The following CTNNA3 variants were observed in gnomAD, a reference collection of about 807,000 sequenced individuals.
CTNNA3 encodes catenin alpha 3.
In CTNNA3, 76 loss-of-function variants were observed where a neutral mutation model predicts 95.7. The observed-to-expected ratio is 0.79, with a 90% confidence interval of 0.66 to 0.96. CTNNA3 has a LOEUF of 0.96. CTNNA3 is among the 40% of genes least tolerant of loss of function. The probability of loss-of-function intolerance (pLI) is 0.00; values close to 1 mark genes in which losing one functional copy is unlikely to be tolerated. For synonymous variants in CTNNA3, 431 were observed against 374.4 expected (o/e 1.15, Z -1.74); for missense variants, 1,191 against 1,089.8 (o/e 1.09, Z -1.31).
chr10:66,364,664 A>T (rs1395168241), intron 12 of CTNNA3, among the ~76,000 whole-genome samples: 1 of 152,180 alleles, frequency 6.6e-6, no homozygotes, highest in African/African-American at 2.4e-5. Flanking sequence ...AAGTAAAATA[A>T]TGTACAGAGG....
chr10:67,563,254 A>T (rs1841608048), intron 3 of CTNNA3, among the ~76,000 whole-genome samples: 1 of 152,208 alleles, frequency 6.6e-6, no homozygotes, highest in African/African-American at 2.4e-5. Flanking sequence ...ACAAGGCTAC[A>T]GTAACCAAAA....
intron 7 of CTNNA3, among the ~76,000 whole-genome samples, chr10:66,816,138 T>C (rs1215739254): frequency 6.6e-6 from 1 of 152,188 alleles, no homozygotes; most frequent in African/African-American, 2.4e-5. Context: ...TAAATTTCCA[T>C]AATTTAATGT....
At chr10:67,703,683 A>T (rs1841059329) in intron 1 of CTNNA3, among the ~76,000 whole-genome samples, 1 of 152,230 alleles carries the variant, frequency 6.6e-6, no homozygotes, top group Admixed American at 6.5e-5. Context: ...TGAATGGGCA[A>T]ACACTGGAAG....
intron 5 of CTNNA3, among the ~76,000 whole-genome samples, chr10:67,347,739 GT>G (rs1032974036): frequency 1.4e-5 from 2 of 146,342 alleles, no homozygotes; most frequent in Non-Finnish European, 3.0e-5. Context: ...GAAAAATCTG[GT>G]TTTTTTAATC....
chr10:66,253,204 T>C (rs774493625), intron 13 of CTNNA3, among the ~76,000 whole-genome samples: 4 of 152,330 alleles, frequency 2.6e-5, no homozygotes, highest in Non-Finnish European at 5.9e-5. Flanking sequence ...CAATCCATCA[T>C]CATAGCTGGT....
At chr10:66,847,530 C>T (rs1324211410) in intron 7 of CTNNA3, among the ~76,000 whole-genome samples, 1 of 151,998 alleles carries the variant, frequency 6.6e-6, no homozygotes, top group African/African-American at 2.4e-5. Context: ...CTTTTGAGTT[C>T]CTTTGAATTG....
intron 9 of CTNNA3, among the ~76,000 whole-genome samples, chr10:66,635,199 A>G (rs1336685468): frequency 1.3e-5 from 2 of 152,134 alleles, no homozygotes; most frequent in Non-Finnish European, 2.9e-5. Context: ...TAAATTTAAT[A>G]TAATAAACAG....
chr10:66,241,063 G>A (rs919142512), intron 13 of CTNNA3, among the ~76,000 whole-genome samples: 1 of 151,948 alleles, frequency 6.6e-6, no homozygotes, highest in Non-Finnish European at 1.5e-5. Flanking sequence ...AGGTAGAGAA[G>A]AAGAAAAATG....
intron 12 of CTNNA3, among the ~76,000 whole-genome samples, chr10:66,309,684 TCAAAAA>T (rs1335447266): frequency 6.5e-5 from 1 of 15,308 alleles, no homozygotes; most frequent in African/African-American, 2.7e-4. Context: ...AGACTCCGTC[TCAAAAA>T]AAAAAAAAAA....
intron 11 of CTNNA3, among the ~76,000 whole-genome samples, chr10:66,415,011 C>T (rs1245351491): frequency 6.6e-6 from 1 of 152,046 alleles, no homozygotes; most frequent in Non-Finnish European, 1.5e-5. Context: ...CATGCATGCT[C>T]CCCACCTGCT....
intron 3 of CTNNA3, among the ~76,000 whole-genome samples, chr10:67,560,611 T>C (rs915345318): frequency 1.3e-5 from 2 of 152,196 alleles, no homozygotes; most frequent in African/African-American, 4.8e-5. Flanking sequence ...AACATCATAA[T>C]GACAGGATCA....
chr10:66,241,883 G>A (rs2090126798), intron 13 of CTNNA3, among the ~76,000 whole-genome samples: 1 of 144,958 alleles, frequency 6.9e-6, no homozygotes, highest in Non-Finnish European at 1.5e-5. Flanking sequence ...ATAAATCTAA[G>A]ACCATTCCAC....
At chr10:67,336,336 A>G (rs189091117) in intron 5 of CTNNA3, among the ~76,000 whole-genome samples, 1 of 152,356 alleles carries the variant, frequency 6.6e-6, no homozygotes, top group East Asian at 1.9e-4. Context: ...AACCTAACCC[A>G]GAGCAAGACC....
At chr10:65,946,657 T>G (rs2133194897) in intron 17 of CTNNA3, among the ~76,000 whole-genome samples, 1 of 152,282 alleles carries the variant, frequency 6.6e-6, no homozygotes, top group African/African-American at 2.4e-5. Flanking sequence ...TTAGTGCAAA[T>G]TTTCTGTGAA....
chr10:67,156,490 A>C (rs1417292773), intron 7 of CTNNA3, among the ~76,000 whole-genome samples: 6 of 152,070 alleles, frequency 3.9e-5, no homozygotes, highest in African/African-American at 1.4e-4. Flanking sequence ...CAATTTCATT[A>C]GTCTCAAAAT....
intron 1 of CTNNA3, among the ~76,000 whole-genome samples, chr10:67,715,223 C>G (rs1163933744): frequency 6.6e-6 from 1 of 152,196 alleles, no homozygotes; most frequent in Non-Finnish European, 1.5e-5. Context: ...ACATTTGAGT[C>G]ACACATAGTT....
At chr10:66,820,476 G>T (rs1036589514) in intron 7 of CTNNA3, among the ~76,000 whole-genome samples, 1 of 151,728 alleles carries the variant, frequency 6.6e-6, no homozygotes, top group African/African-American at 2.4e-5. Context: ...TGAATTTTAT[G>T]GTATATGAAT....
chr10:67,620,944 TATATATAC>T (rs1156562558), intron 2 of CTNNA3, among the ~76,000 whole-genome samples: 3 of 141,920 alleles, frequency 2.1e-5, no homozygotes, highest in Non-Finnish European at 3.0e-5. Context: ...TATATATATA[TATATATAC>T]AGAAATGTGG....
At chr10:66,141,265 T>TAA (rs60266091) in intron 13 of CTNNA3, among the ~76,000 whole-genome samples, 9 of 135,718 alleles carry the variant, frequency 6.6e-5, no homozygotes, top group South Asian at 2.3e-4. Context: ...TGTCTCAGAT[T>TAA]AAAAAAAAAA....
Sources: gnomAD v4.1 joint callset for allele counts (sites outside exome capture counted in the v4.1 genomes callset) on GRCh38, gnomAD v4.1.1 for gene constraint, MANE v1.5 for transcripts, NCBI Gene and HGNC (gene_info 2026-07-23, HGNC 2026-07-21) for gene names.